RMND1: variants seen among roughly 807,000 people sequenced by gnomAD.
The protein encoded by RMND1 is required for meiotic nuclear division protein 1 homolog.
Under a neutral mutation model 54.0 loss-of-function variants are expected in RMND1, and 41 were observed. The ratio of observed to expected loss-of-function variants is 0.76; its 90% CI spans 0.59 to 0.98. The LOEUF (loss-of-function observed/expected upper bound fraction) is 0.98. Among genes scored for constraint, RMND1 ranks in the 50% least tolerant of loss-of-function variants. The pLI, the probability that RMND1 is intolerant of heterozygous loss-of-function variation, is 0.00. For synonymous variants in RMND1, 183 were observed against 181.7 expected (o/e 1.01, Z -0.06); for missense variants, 457 against 532.0 (o/e 0.86, Z 1.39).
rs138156249 is a variant in RMND1 at position 151,438,984 on chromosome 6, C to A, written c.505-2430G>T. ...CAAAAATTAGCCAGGCGTGGTGGCA[C>A]ACACCTGTAATCCCAGCTACTTGGG... On this transcript the variant is annotated intron_variant, in intron 2 of 11. Coordinates refer to ENST00000444024, the MANE Select transcript of RMND1 (RefSeq NM_017909.4). 8.5e-3 allele frequency among the ~76,000 whole-genome samples: 1,294 copies of A among 152,198 alleles called. 23 individuals carry two copies. The highest frequency in any genetic ancestry group is 0.029 in the African/African-American group (1,191 of 41,542).
chr6:151,449,478 T>TTC, intron 1 of RMND1, among the ~76,000 whole-genome samples: 1 of 152,216 alleles, frequency 6.6e-6, no homozygotes, highest in Non-Finnish European at 1.5e-5. Context: ...TTGCTCCTCA[T>TTC]TCTGGTCTCT....
At chr6:151,439,537 T>C (rs1055444583) in intron 2 of RMND1, among the ~76,000 whole-genome samples, 3 of 152,380 alleles carry the variant, frequency 2.0e-5, no homozygotes, top group Admixed American at 1.3e-4. Flanking sequence ...GCCTATCTTC[T>C]TGGCTATATT....
At chr6:151,451,684 C>A (rs988799350) in intron 1 of RMND1, among the ~76,000 whole-genome samples, 1 of 152,178 alleles carries the variant, frequency 6.6e-6, no homozygotes, top group Admixed American at 6.5e-5. Flanking sequence ...TTTTAGAGAA[C>A]AATTACACCA....
rs147567842 is a variant in RMND1 at position 151,427,820 on chromosome 6, T to A, written c.730-238A>T. On this transcript the variant is annotated intron_variant, in intron 5 of 11. Transcript: ENST00000444024. ...ATGGAGAAGAAAATCAAGGTTATCA[T>A]TATCCCACAACCCAAGGAAAATCAC... 2.9e-3 allele frequency among the ~76,000 whole-genome samples: 449 copies of A among 152,336 alleles called. 1 individual carries two copies. Among genetic ancestry groups the A allele is most frequent in the South Asian group, 6.4e-3 (31 of 4,832 alleles).
intron 8 of RMND1, among the ~76,000 whole-genome samples, chr6:151,421,907 G>C (rs1780161998): frequency 6.6e-6 from 1 of 151,870 alleles, no homozygotes; most frequent in Non-Finnish European, 1.5e-5. Context: ...TTGAGCCCAG[G>C]AGTTCAAGAC....
chr6:151,437,828 C>A (rs1045383340), intron 2 of RMND1, among the ~76,000 whole-genome samples: 2 of 152,092 alleles, frequency 1.3e-5, no homozygotes, highest in South Asian at 4.1e-4. Flanking sequence ...AGCTCTGATG[C>A]GTGGTTTAAA....
In RMND1 at chr6:151,433,196, A is replaced by G. The variant is rs1169446825; in HGVS notation, c.648T>C (p.Asn216=). Residue 216 remains asparagine, a synonymous_variant, in exon 4 of 12, where the codon AAT becomes AAC. Transcript: ENST00000444024. ...AANILVMGVE[N]SAKEGDPGTI... ...TTCCAGGATCACCTTCTTTTGCAGAATTTTCCACACCCATCACCAAAATAT... is the reference window on the plus strand; with the variant it reads ...TTCCAGGATCACCTTCTTTTGCAGAGTTTTCCACACCCATCACCAAAATAT... 2 of 1,612,826 alleles carry G rather than the reference A, an allele frequency of 1.2e-6. No individual in the cohort carries two copies. Among genetic ancestry groups the G allele is most frequent in the Non-Finnish European group, 1.7e-6 (2 of 1,179,410 alleles).
intron 5 of RMND1, among the ~76,000 whole-genome samples, chr6:151,428,422 T>C (rs1780364532): frequency 6.6e-6 from 1 of 152,254 alleles, no homozygotes; most frequent in African/African-American, 2.4e-5. Context: ...GGGAATTTTT[T>C]CTACTCTCCA....
At chr6:151,420,648 G>C (rs1432231905) in intron 9 of RMND1, 1 of 152,160 alleles carries the variant, frequency 6.6e-6, no homozygotes, top group South Asian at 2.1e-4. Flanking sequence ...GTGTCTGACA[G>C]GTGGCACTTG....
intron 4 of RMND1, among the ~76,000 whole-genome samples, chr6:151,432,414 C>T (rs1188904906): frequency 6.6e-6 from 1 of 152,110 alleles, no homozygotes; most frequent in Non-Finnish European, 1.5e-5. Context: ...AAAGAACTTC[C>T]ACTTATCATC....
intron 2 of RMND1, among the ~76,000 whole-genome samples, chr6:151,442,979 G>A (rs1194400871): frequency 6.6e-6 from 1 of 152,154 alleles, no homozygotes; most frequent in African/African-American, 2.4e-5. Flanking sequence ...GATGCACGCT[G>A]TTCTGCAGAG....
chr6:151,446,519 C>G (rs113471267), intron 1 of RMND1, among the ~76,000 whole-genome samples: 11 of 151,964 alleles, frequency 7.2e-5, no homozygotes, highest in African/African-American at 2.7e-4. Context: ...CATGGGAGTG[C>G]GAGGCATGTC....
intron 2 of RMND1, among the ~76,000 whole-genome samples, chr6:151,442,193 G>A (rs182820272): frequency 1.6e-3 from 238 of 152,202 alleles, no homozygotes; most frequent in African/African-American, 3.7e-3. Context: ...TACATTTTAC[G>A]TTACCAAGAT....
At chr6:151,413,493 G>T (rs923995998) in intron 10 of RMND1, among the ~76,000 whole-genome samples, 2 of 152,170 alleles carry the variant, frequency 1.3e-5, no homozygotes, top group Non-Finnish European at 2.9e-5. Context: ...GCCTGCCTTG[G>T]CCTACCAAAG....
chr6:151,427,584 T>TTTCACATTCC lies in RMND1; in HGVS notation c.730-3_730-2insGGAATGTGAA. On this transcript the variant is annotated splice_polypyrimidine_tract_variant and splice_region_variant and intron_variant, in intron 5 of 11. Coordinates refer to ENST00000444024, the MANE Select transcript of RMND1 (RefSeq NM_017909.4). ...TAGAACTTTCATCACATGCTTCATCTAGAAGAAAAGGAAGATTAATCTGAA... is the reference window on the plus strand; with the variant it reads ...TAGAACTTTCATCACATGCTTCATCTTTCACATTCCAGAAGAAAAGGAAGATTAATCTGAA... The TTTCACATTCC allele has an allele frequency of 1.3e-6, 2 of 1,587,002 alleles. No homozygotes were observed. Among genetic ancestry groups the TTTCACATTCC allele is most frequent in the Non-Finnish European group, 1.7e-6 (2 of 1,156,206 alleles).
intron 5 of RMND1, among the ~76,000 whole-genome samples, chr6:151,429,804 T>TA (rs1780403686): frequency 6.6e-6 from 1 of 152,198 alleles, no homozygotes; most frequent in South Asian, 2.1e-4. Flanking sequence ...CAACTTGACT[T>TA]AAAAGAACAC....
At chr6:151,405,676 G>A (rs1366257024) in intron 11 of RMND1, 44 bp downstream of exon 11, 17 of 974,514 alleles carry the variant, frequency 1.7e-5, no homozygotes, top group Non-Finnish European at 2.6e-5. Flanking sequence ...CTGTATTTGT[G>A]AAAAGATGGT....
At chr6:151,412,304 A>G (rs777393979) in intron 10 of RMND1, among the ~76,000 whole-genome samples, 2 of 150,840 alleles carry the variant, frequency 1.3e-5, no homozygotes, top group Admixed American at 6.7e-5. Flanking sequence ...GACTGGCCAT[A>G]ACTTGCTTTT....
intron 5 of RMND1, among the ~76,000 whole-genome samples, chr6:151,429,850 T>C (rs1374318663): frequency 6.6e-6 from 1 of 152,204 alleles, no homozygotes; most frequent in East Asian, 1.9e-4. Flanking sequence ...TGCATACATT[T>C]TGTATAGTAC....
Sources: gnomAD v4.1 joint callset for allele counts (sites outside exome capture counted in the v4.1 genomes callset) on GRCh38, gnomAD v4.1.1 for gene constraint, MANE v1.5 for transcripts, NCBI Gene and HGNC (gene_info 2026-07-23, HGNC 2026-07-21) for gene names.